The following FKTN variants were observed in gnomAD, a reference collection of about 807,000 sequenced individuals.
The protein encoded by FKTN is ribitol-5-phosphate transferase FKTN.
FKTN carries 47 observed loss-of-function variants against 58.6 expected under a neutral mutation model. That is an observed-to-expected ratio of 0.80 (90% CI 0.63 to 1.02). The LOEUF is 1.02. Ranked by LOEUF, FKTN falls within the 50% of genes least tolerant of loss-of-function variation. The pLI is 0.00. For missense variants in FKTN, 516 were observed against 537.3 expected (o/e 0.96, Z 0.39); for synonymous variants, 178 against 191.9 (o/e 0.93, Z 0.60).
At position 105,636,060 on chromosome 9, in the gene FKTN, C is replaced by A. The variant is rs1834012973; in HGVS notation, c.*796C>A. ...GTGAGACCATGTTACTAGACATGAT[C>A]TTGAAAGAGGCCATGATTTCACAAA... On this transcript the variant is annotated 3_prime_UTR_variant, in exon 11 of 11. Coordinates refer to ENST00000357998, the MANE Select transcript of FKTN (RefSeq NM_001079802.2). 1 of 985,112 alleles carries A rather than the reference C, an allele frequency of 1.0e-6. No homozygotes were observed. The highest frequency in any genetic ancestry group is 4.7e-5 in the South Asian group (1 of 21,264). The allele number at this position is 985,112 out of a possible 1,614,324, so 61.0% of individuals were successfully genotyped here.
intron 7 of FKTN, among the ~76,000 whole-genome samples, chr9:105,612,085 T>C (rs183441111): frequency 2.7e-4 from 41 of 152,194 alleles, no homozygotes; most frequent in Admixed American, 1.9e-3. Context: ...CTCTGACTGG[T>C]ATTAGATAGT....
chr9:105,629,168 C>G (rs563008627), intron 10 of FKTN, among the ~76,000 whole-genome samples: 5 of 152,052 alleles, frequency 3.3e-5, no homozygotes, highest in South Asian at 4.2e-4. Flanking sequence ...TCAAGATAAG[C>G]CTGGGCAACA....
chr9:105,635,432 G>A lies in FKTN; in HGVS notation c.*168G>A, dbSNP rs925712942. On this transcript the variant is annotated 3_prime_UTR_variant, in exon 11 of 11. Coordinates refer to ENST00000357998, the MANE Select transcript of FKTN (RefSeq NM_001079802.2). ...TGTAATTCTCTCACTTAGTACTGAG[G>A]AATTTTCATGTGCCACATACAATGC... The A allele has an allele frequency of 3.4e-6, 5 of 1,459,550 alleles. No individual in the cohort carries two copies. In the Admixed American group the frequency reaches 1.3e-4, roughly 38 times the overall value. 90.4% of individuals were successfully genotyped at this position (1,459,550 alleles called of 1,614,324 possible).
intron 8 of FKTN, among the ~76,000 whole-genome samples, chr9:105,617,058 G>A (rs568188174): frequency 6.6e-5 from 10 of 152,232 alleles, no homozygotes; most frequent in African/African-American, 2.4e-4. Context: ...GCACTTATGA[G>A]GGAGTTGTAT....
intron 8 of FKTN, among the ~76,000 whole-genome samples, chr9:105,616,685 T>C (rs1564322440): frequency 1.3e-5 from 2 of 152,220 alleles, no homozygotes; most frequent in Admixed American, 6.5e-5. Flanking sequence ...TTAATTCAAC[T>C]CCTGCCTTTA....
At chr9:105,593,171 A>G (rs929948230) in intron 3 of FKTN, among the ~76,000 whole-genome samples, 18 of 152,222 alleles carry the variant, frequency 1.2e-4, no homozygotes, top group African/African-American at 4.3e-4. Context: ...CAGGAAACTT[A>G]GAATCATGGC....
chr9:105,603,809 GAC>G (rs1385589490), intron 5 of FKTN: 3 of 270,470 alleles, frequency 1.1e-5, no homozygotes, highest in Non-Finnish European at 2.2e-5. Flanking sequence ...AAGTAGCTGG[GAC>G]TACAGGTACA....
chr9:105,594,515 T>G (rs1826387987), intron 3 of FKTN, among the ~76,000 whole-genome samples: 1 of 152,208 alleles, frequency 6.6e-6, no homozygotes, highest in Non-Finnish European at 1.5e-5. Flanking sequence ...CCCAGCACTT[T>G]GGGAGGCGGA....
In FKTN at chr9:105,635,375, A is replaced by C; in HGVS notation, c.*111A>C. On this transcript the variant is annotated 3_prime_UTR_variant, in exon 11 of 11. Transcript: ENST00000357998. ...AAGTGGGAACCAAAGAAAAAATGTGACAAGTTTGAAGACACAGAAAGAGTC... is the reference window on the plus strand; with the variant it reads ...AAGTGGGAACCAAAGAAAAAATGTGCCAAGTTTGAAGACACAGAAAGAGTC... 1 of 1,544,082 alleles carries C rather than the reference A, an allele frequency of 6.5e-7. No homozygotes were observed. The highest frequency in any genetic ancestry group is 8.7e-7 in the Non-Finnish European group (1 of 1,146,734).
rs77207629 is a variant in FKTN, at chr9:105,596,249, A to G, written c.106-349A>G. On this transcript the variant is annotated intron_variant, in intron 3 of 10. Coordinates refer to ENST00000357998, the MANE Select transcript of FKTN (RefSeq NM_001079802.2). ...TACAAACACTAATTTTATATATGGC[A>G]ATATGTTGAGATTGCAGATATAGAC... Among the ~76,000 whole-genome samples, 1,380 of 152,310 alleles carry G rather than the reference A, an allele frequency of 9.1e-3. 22 individuals are homozygous for G. Among genetic ancestry groups the G allele is most frequent in the African/African-American group, 0.032 (1,322 of 41,556 alleles).
Position 105,637,138 on chromosome 9 carries a change from C to G in FKTN, c.*1874C>G. The stretch of plus-strand genomic sequence containing the variant: ...AAAAATAATAGAACAAATAATAATA[C>G]TATTTTTGGGCAAAATCCACCCTAC... On this transcript the variant is annotated 3_prime_UTR_variant, in exon 11 of 11. Coordinates refer to ENST00000357998, the MANE Select transcript of FKTN (RefSeq NM_001079802.2). 1.0e-6 allele frequency: 1 copy of G among 986,032 alleles called. No homozygotes were observed. The highest frequency in any genetic ancestry group is 1.2e-6 in the Non-Finnish European group (1 of 829,816). 61.1% of individuals were successfully genotyped at this position (986,032 alleles called of 1,614,324 possible).
intron 1 of FKTN, among the ~76,000 whole-genome samples, chr9:105,569,750 A>T (rs1420731395): frequency 6.6e-6 from 1 of 152,180 alleles, no homozygotes; most frequent in African/African-American, 2.4e-5. Context: ...TTAGAACTTT[A>T]AGATTATTGG....
At chr9:105,577,982 G>T (rs1419451066) in intron 3 of FKTN, among the ~76,000 whole-genome samples, 1 of 151,948 alleles carries the variant, frequency 6.6e-6, no homozygotes, top group Non-Finnish European at 1.5e-5. Flanking sequence ...TGTGTTGTTG[G>T]TGTATAAGAA....
intron 3 of FKTN, among the ~76,000 whole-genome samples, chr9:105,585,436 A>ATAAC (rs1843735233): frequency 6.6e-6 from 1 of 152,218 alleles, no homozygotes. Context: ...AAATAAATAA[A>ATAAC]TATGTACATA....
At chr9:105,604,861 A>G (rs1411266210) in intron 6 of FKTN, among the ~76,000 whole-genome samples, 1 of 151,720 alleles carries the variant, frequency 6.6e-6, no homozygotes, top group Non-Finnish European at 1.5e-5. Flanking sequence ...GAGGCTGAGG[A>G]AGGAGAATTG....
intron 3 of FKTN, among the ~76,000 whole-genome samples, chr9:105,595,259 T>G (rs1410048933): frequency 6.6e-6 from 1 of 152,164 alleles, no homozygotes; most frequent in Non-Finnish European, 1.5e-5. Context: ...TGGTAATAGT[T>G]GCACAACTCT....
chr9:105,582,555 A>G (rs1843194799), intron 3 of FKTN, among the ~76,000 whole-genome samples: 1 of 152,076 alleles, frequency 6.6e-6, no homozygotes, highest in Admixed American at 6.6e-5. Flanking sequence ...ACCACCCAAT[A>G]TCTAATGTGT....
chr9:105,561,808 A>G (rs1000413313), intron 1 of FKTN, among the ~76,000 whole-genome samples: 2 of 152,236 alleles, frequency 1.3e-5, no homozygotes, highest in Admixed American at 6.5e-5. Flanking sequence ...GTGAAAAGTT[A>G]GCAGTCAAAG....
chr9:105,605,298 CTG>C (rs1366484740), intron 6 of FKTN, among the ~76,000 whole-genome samples: 11 of 152,056 alleles, frequency 7.2e-5, no homozygotes, highest in South Asian at 2.1e-4. Flanking sequence ...TTGATTTTTG[CTG>C]TCTTTATTTT....
Sources: gnomAD v4.1 joint callset for allele counts (sites outside exome capture counted in the v4.1 genomes callset) on GRCh38, gnomAD v4.1.1 for gene constraint, MANE v1.5 for transcripts, NCBI Gene and HGNC (gene_info 2026-07-23, HGNC 2026-07-21) for gene names.